ABHD12: variants seen among roughly 807,000 people sequenced by gnomAD.
ABHD12 encodes abhydrolase domain containing 12, lysophospholipase, also known as lysophosphatidylserine lipase ABHD12.
ABHD12 carries 43 observed loss-of-function variants against 58.3 expected under a neutral mutation model. The observed-to-expected ratio is 0.74, with a 90% CI of 0.58 to 0.95. The LOEUF is 0.95. Among genes scored for constraint, ABHD12 ranks in the 40% least tolerant of loss-of-function variants. The pLI is 0.00. For missense variants in ABHD12, 539 were observed against 537.2 expected (o/e 1.00, Z -0.03); for synonymous variants, 219 against 211.2 (o/e 1.04, Z -0.32).
At chr20:25,360,049 CCT>C (rs2089723690) in intron 1 of ABHD12, among the ~76,000 whole-genome samples, 1 of 151,612 alleles carries the variant, frequency 6.6e-6, no homozygotes. Flanking sequence ...TTGATGTTCT[CCT>C]CTGTCCTTGA....
At chr20:25,315,064 C>G in intron 5 of ABHD12, 94 bp from the exon 6 acceptor site, 1 of 1,316,764 alleles carries the variant, frequency 7.6e-7, no homozygotes, top group East Asian at 2.3e-5. Context: ...ACTTTCTCTC[C>G]TCTGCCTTGT....
intron 1 of ABHD12, among the ~76,000 whole-genome samples, chr20:25,360,226 A>AT (rs2089726267): frequency 1.4e-4 from 4 of 27,758 alleles, no homozygotes; most frequent in Non-Finnish European, 1.5e-4. Context: ...TGAACACGTT[A>AT]CTTTTTTTTT....
At chr20:25,310,981 A>G (rs1173605261) in intron 6 of ABHD12, among the ~76,000 whole-genome samples, 3 of 152,238 alleles carry the variant, frequency 2.0e-5, no homozygotes, top group Non-Finnish European at 4.4e-5. Context: ...GGTCTCTAGC[A>G]TGCAGCAGAA....
intron 1 of ABHD12, among the ~76,000 whole-genome samples, chr20:25,374,143 C>A (rs1293940396): frequency 6.6e-6 from 1 of 151,512 alleles, no homozygotes; most frequent in African/African-American, 2.4e-5. Context: ...CCAGGCTGGT[C>A]TCAGATTCCT....
At chr20:25,347,369 G>C (rs943000926) in intron 1 of ABHD12, among the ~76,000 whole-genome samples, 15 of 152,132 alleles carry the variant, frequency 9.9e-5, no homozygotes, top group African/African-American at 3.6e-4. Context: ...AACTGTACCA[G>C]GATGTGTGAT....
At chr20:25,340,703 G>A (rs896933756) in intron 1 of ABHD12, among the ~76,000 whole-genome samples, 2 of 152,174 alleles carry the variant, frequency 1.3e-5, no homozygotes, top group African/African-American at 2.4e-5. Flanking sequence ...CAATACAGAT[G>A]AATCTCAAAA....
chr20:25,296,661 T>A (rs985813650), downstream of ABHD12: 5 of 1,191,570 alleles, frequency 4.2e-6, no homozygotes, highest in Admixed American at 1.3e-4. Flanking sequence ...GCCATGGGGG[T>A]CAGGGTGGTT....
At chr20:25,313,577 TAAAAATAAAATAAAA>T (rs1044717202) in intron 6 of ABHD12, among the ~76,000 whole-genome samples, 4 of 45,102 alleles carry the variant, frequency 8.9e-5, no homozygotes, top group Non-Finnish European at 1.3e-4. Context: ...GAATGATCAA[TAAAAATAAAATAAAA>T]TAAAATAAAA....
intron 1 of ABHD12, among the ~76,000 whole-genome samples, chr20:25,359,558 A>T (rs924477849): frequency 1.6e-4 from 25 of 151,936 alleles, no homozygotes; most frequent in African/African-American, 4.8e-4. Flanking sequence ...TTACTGATGT[A>T]TAATAACTTT....
At chr20:25,300,192 T>C (rs183623680), downstream of ABHD12, 39 of 994,210 alleles carry the variant, frequency 3.9e-5, 1 homozygote, top group Admixed American at 1.9e-3. Flanking sequence ...TTGACCCTTC[T>C]CGCGCTGCAG....
chr20:25,306,721 C>CCTAA, intron 10 of ABHD12, 112 bp downstream of exon 10: 1 of 795,936 alleles, frequency 1.3e-6, no homozygotes, highest in African/African-American at 1.7e-5. Context: ...AGAGAATGAC[C>CCTAA]CTAAATACAC....
chr20:25,385,859 G>A (rs1463980339), intron 1 of ABHD12, among the ~76,000 whole-genome samples: 4 of 152,096 alleles, frequency 2.6e-5, no homozygotes, highest in Non-Finnish European at 4.4e-5. Context: ...AGCACTTTCG[G>A]AGTCCAAGGC....
At chr20:25,367,752 T>C (rs1284998510) in intron 1 of ABHD12, among the ~76,000 whole-genome samples, 1 of 152,238 alleles carries the variant, frequency 6.6e-6, no homozygotes, top group Non-Finnish European at 1.5e-5. Flanking sequence ...AGAAATTCTT[T>C]CCATTGTACA....
chr20:25,303,380 G>A, intron 11 of ABHD12, 170 bp downstream of exon 11: 2 of 1,513,306 alleles, frequency 1.3e-6, no homozygotes, highest in Non-Finnish European at 1.8e-6. Flanking sequence ...GCAGCCTGGA[G>A]GTGACGCAGG....
chr20:25,307,633 T>C (rs779403423), intron 9 of ABHD12, among the ~76,000 whole-genome samples: 67 of 152,182 alleles, frequency 4.4e-4, no homozygotes, highest in Non-Finnish European at 9.6e-4. Flanking sequence ...CACTGTCTCA[T>C]ACACAGAGAG....
In ABHD12 at chr20:25,390,811, C is replaced by T; in HGVS notation, c.-108G>A. 1 of 728,828 alleles carries T rather than the reference C, an allele frequency of 1.4e-6. No homozygotes were observed. The allele number at this position is 728,828 out of a possible 1,614,324, so 45.1% of individuals were successfully genotyped here. ...GCCCGGAGCCCGGAACCCGCCGCTC[C>T]TCACATCCCAGCCCAGGCCGCTGCG... On this transcript the variant is annotated 5_prime_UTR_variant, in exon 1 of 13. Coordinates refer to ENST00000339157, the MANE Select transcript of ABHD12 (RefSeq NM_001042472.3).
chr20:25,362,339 T>C (rs2089760868), intron 1 of ABHD12, among the ~76,000 whole-genome samples: 1 of 151,234 alleles, frequency 6.6e-6, no homozygotes, highest in Non-Finnish European at 1.5e-5. Context: ...GAGGCCCAGC[T>C]GGGTGGATAA....
At chr20:25,373,927 T>C (rs1355439989) in intron 1 of ABHD12, among the ~76,000 whole-genome samples, 1 of 151,998 alleles carries the variant, frequency 6.6e-6, no homozygotes, top group East Asian at 1.9e-4. Context: ...TAGTGATGCA[T>C]TTATTTATTT....
At chr20:25,312,751 C>T (rs2088876943) in intron 6 of ABHD12, among the ~76,000 whole-genome samples, 2 of 151,502 alleles carry the variant, frequency 1.3e-5, no homozygotes, top group Admixed American at 6.6e-5. Context: ...TCTGCCCGGC[C>T]GCCCATCGTC....
Sources: gnomAD v4.1 joint callset for allele counts (sites outside exome capture counted in the v4.1 genomes callset) on GRCh38, gnomAD v4.1.1 for gene constraint, MANE v1.5 for transcripts, NCBI Gene and HGNC (gene_info 2026-07-23, HGNC 2026-07-21) for gene names.